Variants in PPP2R5C observed in about 807,000 individuals in gnomAD.
PPP2R5C encodes protein phosphatase 2 regulatory subunit B'gamma.
A neutral mutation model predicts 68.9 loss-of-function variants in PPP2R5C; 7 were observed. That is an observed-to-expected ratio of 0.10 (90% CI 0.06 to 0.19). The LOEUF (loss-of-function observed/expected upper bound fraction) is 0.19. Among genes scored for constraint, PPP2R5C ranks in the 10% least tolerant of loss-of-function variants. PPP2R5C has a pLI of 1.00. For synonymous variants in PPP2R5C, 210 were observed against 222.2 expected (o/e 0.95, Z 0.49); for missense variants, 348 against 641.3 (o/e 0.54, Z 4.94).
chr14:101,921,252 T>G, intron 13 of PPP2R5C: 2 of 196,268 alleles, frequency 1.0e-5, no homozygotes, highest in South Asian at 1.1e-4. Context: ...TTAGCAGAGA[T>G]GGAGTTTTAA....
intron 2 of PPP2R5C, among the ~76,000 whole-genome samples, chr14:101,772,303 C>A (rs2037190687): frequency 6.6e-6 from 1 of 151,664 alleles, no homozygotes; most frequent in Non-Finnish European, 1.5e-5. Context: ...AGAGGGAGGC[C>A]CTGTCTACTG....
intron 2 of PPP2R5C, among the ~76,000 whole-genome samples, chr14:101,764,018 TGTGTGTGTGTGGGC>T (rs574300377): frequency 5.0e-4 from 75 of 150,078 alleles, no homozygotes; most frequent in African/African-American, 1.7e-3. Flanking sequence ...TGTGTGTGTG[TGTGTGTGTGTGGGC>T]GCGCGCACTT....
Position 101,885,620 on chromosome 14 carries a change from C to T in PPP2R5C, c.629+2058C>T, listed in dbSNP as rs568989979. 5.9e-5 allele frequency among the ~76,000 whole-genome samples: 9 copies of T among 152,362 alleles called. No individual in the cohort carries two copies. In the South Asian group the frequency reaches 1.7e-3, roughly 28 times the overall value. ...TTCGGCGTGAGAGCCTTTGATTTTGCGTGTGGCTTTCCTTTGAACTCCTTC... is the reference window on the plus strand; with the variant it reads ...TTCGGCGTGAGAGCCTTTGATTTTGTGTGTGGCTTTCCTTTGAACTCCTTC... On this transcript the variant is annotated intron_variant, in intron 5 of 13. Coordinates refer to ENST00000334743, the Ensembl canonical transcript of PPP2R5C.
At chr14:101,848,528 ACT>A (rs1263396726) in intron 1 of PPP2R5C, among the ~76,000 whole-genome samples, 4 of 151,206 alleles carry the variant, frequency 2.6e-5, no homozygotes, top group Admixed American at 6.6e-5. Context: ...ACAGAGCGAG[ACT>A]CTGTCTCAAA....
intron 12 of PPP2R5C, 56 bp downstream of exon 14, chr14:101,912,529 A>C (rs1427456039): frequency 1.3e-6 from 2 of 1,553,298 alleles, no homozygotes; most frequent in African/African-American, 2.8e-5. Context: ...TGTTTTTATA[A>C]GATAGGAATA....
At chr14:101,864,436 T>C (rs2042936707) in intron 2 of PPP2R5C, among the ~76,000 whole-genome samples, 1 of 151,930 alleles carries the variant, frequency 6.6e-6, no homozygotes, top group Admixed American at 6.6e-5. Flanking sequence ...TAAAATAATA[T>C]AGTCTCTACC....
At chr14:101,769,581 T>G (rs1244939650) in intron 2 of PPP2R5C, among the ~76,000 whole-genome samples, 2 of 152,230 alleles carry the variant, frequency 1.3e-5, no homozygotes, top group African/African-American at 2.4e-5. Flanking sequence ...TTTTATTCAG[T>G]GTAATTCATT....
rs1377434474 is a variant in PPP2R5C, at chr14:101,783,862, A to G, written c.94-2156A>G. Among the ~76,000 whole-genome samples the G allele has an allele frequency of 2.0e-5, 3 of 152,244 alleles. No individual in the cohort carries two copies. The South Asian group carries it at 6.2e-4, about 32-fold the overall frequency. On this transcript the variant is annotated intron_variant, in intron 2 of 14. Transcript: ENST00000328724. The stretch of plus-strand genomic sequence containing the variant: ...CGTATGTGACTGAACATCTAAAGCC[A>G]GGACAGCTCCTAGGAGCAGCTCCTC...
At chr14:101,806,281 C>G (rs1290983940), upstream of PPP2R5C, among the ~76,000 whole-genome samples, 1 of 146,774 alleles carries the variant, frequency 6.8e-6, no homozygotes. Flanking sequence ...CCCGACAGGT[C>G]CTGGTGTGTG....
At chr14:101,831,874 A>G (rs1595302784) in intron 1 of PPP2R5C, 2 of 637,842 alleles carry the variant, frequency 3.1e-6, no homozygotes, top group Admixed American at 4.3e-5. Context: ...ATTGGCTTTA[A>G]AGTTGAGTTT....
chr14:101,926,649 CTTAATG>C (rs772624641), exon 14 of PPP2R5C: 15 of 152,548 alleles, frequency 9.8e-5, no homozygotes, highest in East Asian at 1.9e-4. Flanking sequence ...GATTATATAA[CTTAATG>C]TTAAGTGTCT....
At chr14:101,817,110 G>A (rs889570342) in intron 1 of PPP2R5C, among the ~76,000 whole-genome samples, 9 of 150,680 alleles carry the variant, frequency 6.0e-5, no homozygotes, top group South Asian at 2.1e-4. Context: ...GGCACCCACC[G>A]CCACAACCAG....
chr14:101,886,280 CAAA>C (rs57167968), intron 5 of PPP2R5C, among the ~76,000 whole-genome samples: 9 of 103,956 alleles, frequency 8.7e-5, no homozygotes, highest in Admixed American at 1.1e-4. Flanking sequence ...GACTCCGTCT[CAAA>C]AAAAAAAAAA....
chr14:101,921,888 C>A (rs1434173657), intron 13 of PPP2R5C: 2 of 727,608 alleles, frequency 2.7e-6, no homozygotes, highest in Non-Finnish European at 3.4e-6. Context: ...ACTAGTATAA[C>A]CCTATACAGA....
intron 1 of PPP2R5C, chr14:101,823,703 C>T (rs2040225795): frequency 1.0e-6 from 1 of 982,308 alleles, no homozygotes; most frequent in Admixed American, 5.2e-5. Flanking sequence ...GAGCTGGTGA[C>T]AGAGACCAGA....
At chr14:101,870,509 G>T (rs2043335733) in intron 2 of PPP2R5C, among the ~76,000 whole-genome samples, 1 of 152,204 alleles carries the variant, frequency 6.6e-6, no homozygotes, top group African/African-American at 2.4e-5. Context: ...TCGCGTGTTT[G>T]TGTATCTCTG....
At chr14:101,762,827 A>G (rs1238186557) in intron 1 of PPP2R5C, 78 bp from the exon 2 acceptor site, 3 of 1,201,552 alleles carry the variant, frequency 2.5e-6, no homozygotes, top group African/African-American at 1.5e-5. Flanking sequence ...AATCACTTTT[A>G]AAACTGCATT....
At chr14:101,792,882 T>C (rs1259070100) in intron 3 of PPP2R5C, among the ~76,000 whole-genome samples, 1 of 149,962 alleles carries the variant, frequency 6.7e-6, no homozygotes, top group East Asian at 1.9e-4. Flanking sequence ...ATTTTTCTTT[T>C]CTTTTTTTTT....
chr14:101,765,457 A>G, intron 2 of PPP2R5C: 1 of 576,360 alleles, frequency 1.7e-6, no homozygotes, highest in South Asian at 2.2e-5. Context: ...AGGTGAATTA[A>G]ACCATTATTG....
Sources: allele counts gnomAD v4.1 joint callset (sites outside exome capture counted in the v4.1 genomes callset), GRCh38; gene constraint gnomAD v4.1.1; transcripts MANE v1.5; gene names NCBI Gene and HGNC (gene_info 2026-07-23, HGNC 2026-07-21).